Variants in HCN2 observed in about 807,000 individuals in gnomAD.
HCN2 encodes hyperpolarization activated cyclic nucleotide gated potassium and sodium channel 2, also known as potassium/sodium hyperpolarization-activated cyclic nucleotide-gated channel 2.
Under a neutral mutation model 52.3 loss-of-function variants are expected in HCN2, and 20 were observed. The ratio of observed to expected loss-of-function variants is 0.38; its 90% CI spans 0.27 to 0.56. HCN2 has a LOEUF of 0.56. Among genes scored for constraint, HCN2 ranks in the 20% least tolerant of loss-of-function variants. HCN2 has a pLI of 0.71. For synonymous variants in HCN2, 694 were observed against 537.0 expected (o/e 1.29, Z -4.04); for missense variants, 981 against 1,207.7 (o/e 0.81, Z 2.78).
Position 613,782 on chromosome 19 carries a change from C to T in HCN2, c.1826-70C>T, listed in dbSNP as rs567694651. 2.1e-3 allele frequency: 2,901 copies of T among 1,401,356 alleles called. 7 individuals carry two copies. The highest frequency in any genetic ancestry group is 2.4e-3 in the Non-Finnish European group (2,601 of 1,082,264). 86.8% of individuals were successfully genotyped at this position (1,401,356 alleles called of 1,614,324 possible). On this transcript the variant is annotated intron_variant, in intron 6 of 7. Transcript: ENST00000251287. ...GCTGGCCAAGGTGCAGAGGCCGGGCCGTGTGCCTGGGCGGGGAGGGCCGCG... is the reference window on the plus strand; with the variant it reads ...GCTGGCCAAGGTGCAGAGGCCGGGCTGTGTGCCTGGGCGGGGAGGGCCGCG...
chr19:616,780 C>A lies in HCN2; in HGVS notation c.*306C>A. On this transcript the variant is annotated 3_prime_UTR_variant, in exon 8 of 8. Coordinates refer to ENST00000251287, the MANE Select transcript of HCN2 (RefSeq NM_001194.4). The stretch of plus-strand genomic sequence containing the variant: ...AGCTGTAAGACAGGGACGGGGCGGC[C>A]CAGTGGCTGAGAGGAGCCGGCTGTG... 4.5e-6 allele frequency: 1 copy of A among 220,500 alleles called. No individual in the cohort carries two copies. Among genetic ancestry groups the A allele is most frequent in the Non-Finnish European group, 8.9e-6 (1 of 112,330 alleles). The allele number at this position is 220,500 out of a possible 1,614,324, so 13.7% of individuals were successfully genotyped here.
Position 613,698 on chromosome 19 carries a change from T to TCCGGGGCCGGGGCC in HCN2, c.1826-154_1826-153insCCGGGGCCGGGGCC, listed in dbSNP as rs1983765205. Among the ~76,000 whole-genome samples the TCCGGGGCCGGGGCC allele has an allele frequency of 6.8e-4, 11 of 16,266 alleles. 1 individual carries two copies. The highest frequency in any genetic ancestry group is 8.1e-3 in the East Asian group (2 of 248). 10.7% of individuals were successfully genotyped at this position (16,266 alleles called of 152,430 possible). On this transcript the variant is annotated intron_variant, in intron 6 of 7. Transcript: ENST00000251287. ...ATGGGGCCGGGGATGGGGCCGGGGA[T>TCCGGGGCCGGGGCC]GGGGCCGGGGATGGGGCCGGGGCCG...
At chr19:613,756 C>G in intron 6 of HCN2, 96 bp from the exon 7 acceptor site, 1 of 1,278,918 alleles carries the variant, frequency 7.8e-7, no homozygotes, top group Non-Finnish European at 1.0e-6. Flanking sequence ...GAAGCGCCCA[C>G]GCTGGCCAAG....
chr19:604,564 G>A (rs1485982049), intron 2 of HCN2, among the ~76,000 whole-genome samples: 20 of 123,092 alleles, frequency 1.6e-4, no homozygotes, highest in Admixed American at 4.6e-4. Flanking sequence ...CAGGGGCGGG[G>A]CTATGAGGGT....
rs1219055524 is a variant in HCN2 at position 613,352 on chromosome 19, G to A, written c.1689G>A (p.Glu563=). 5 of 1,613,062 alleles carry A rather than the reference G, an allele frequency of 3.1e-6. No individual in the cohort carries two copies. Among genetic ancestry groups the A allele is most frequent in the Non-Finnish European group, 4.2e-6 (5 of 1,179,902 alleles). ...CCATGCTGACCAAGCTCAAGTTCGA[G>A]GTCTTCCAGCCGGGTGACTACATCA... ...VTAMLTKLKF[E]VFQPGDYIIR... is the part of the protein sequence containing the mutation. The change falls in exon 6 of 8, where the codon GAG becomes GAA. Residue 563 remains glutamate (E), a synonymous_variant. Transcript: ENST00000251287.
chr19:607,937 C>T (rs767359298), intron 3 of HCN2, 27 bp from the exon 4 acceptor site: 5 of 1,583,834 alleles, frequency 3.2e-6, no homozygotes, highest in Non-Finnish European at 4.3e-6. Context: ...CACCTGCCCA[C>T]CACCGCCCCT....
At position 616,584 on chromosome 19, in the gene HCN2, A is replaced by C; in HGVS notation, c.*110A>C. 1 of 636,642 alleles carries C rather than the reference A, an allele frequency of 1.6e-6. No individual in the cohort carries two copies. The highest frequency in any genetic ancestry group is 2.1e-6 in the Non-Finnish European group (1 of 479,610). 39.4% of individuals were successfully genotyped at this position (636,642 alleles called of 1,614,324 possible). A position where few individuals can be genotyped will look rare whatever the true frequency, so the allele number is the denominator to read the frequency against. The stretch of plus-strand genomic sequence containing the variant: ...CCGCCAGTCCGCCCAGAAGCCATAG[A>C]CGAGACGTAGGTAGCCGTAGTTGGA... On this transcript the variant is annotated 3_prime_UTR_variant, in exon 8 of 8. Coordinates refer to ENST00000251287, the MANE Select transcript of HCN2 (RefSeq NM_001194.4).
At chr19:609,479 C>A (rs967144692) in intron 4 of HCN2, among the ~76,000 whole-genome samples, 2 of 152,216 alleles carry the variant, frequency 1.3e-5, no homozygotes, top group African/African-American at 4.8e-5. Context: ...AAGTTCAGGG[C>A]ACCCGGCCTG....
In HCN2 at chr19:591,755, A is replaced by G. The variant is rs933794318; in HGVS notation, c.632+1178A>G. 3.9e-5 allele frequency among the ~76,000 whole-genome samples: 6 copies of G among 152,046 alleles called. No homozygotes were observed. The highest frequency in any genetic ancestry group is 7.4e-5 in the Non-Finnish European group (5 of 67,968). On this transcript the variant is annotated intron_variant, in intron 1 of 7. Coordinates refer to ENST00000251287, the MANE Select transcript of HCN2 (RefSeq NM_001194.4). This position sits in a 1 kb window ranked among gnomAD's most constrained non-coding sequence, Gnocchi z 4.1. ...CTCCTCCAGGCCTGGGCGCCCCAGG[A>G]CAGCCCCCACGGACCCTGGACCCCC...
At chr19:612,109 C>A (rs1600535705) in intron 5 of HCN2, among the ~76,000 whole-genome samples, 1 of 151,932 alleles carries the variant, frequency 6.6e-6, no homozygotes, top group East Asian at 1.9e-4. Flanking sequence ...TGTGCCACTG[C>A]ACTCCAGCCT....
chr19:612,393 G>GGTGTGT (rs140326049), intron 5 of HCN2, among the ~76,000 whole-genome samples: 3,430 of 141,820 alleles, frequency 0.024, 80 homozygotes, highest in South Asian at 0.11. Flanking sequence ...GCTTTCCACT[G>GGTGTGT]GTGTGTGTGT....
At position 608,922 on chromosome 19, in the gene HCN2, C is replaced by T. The variant is rs530409456; in HGVS notation, c.1437+740C>T. ...CCTAGGCTTGGCAGTGGAGGGGACA[C>T]GGGGGAGCTGGGAGGGGTGGAGGGA... is the stretch of plus-strand genomic sequence containing the variant. On this transcript the variant is annotated intron_variant, in intron 4 of 7. Coordinates refer to ENST00000251287, the MANE Select transcript of HCN2 (RefSeq NM_001194.4). 6.6e-5 allele frequency among the ~76,000 whole-genome samples: 10 copies of T among 152,152 alleles called. 1 individual carries two copies. The highest frequency in any genetic ancestry group is 1.7e-4 in the African/African-American group (7 of 41,518).
chr19:611,020 C>T (rs1396258298), intron 5 of HCN2, among the ~76,000 whole-genome samples: 1 of 152,178 alleles, frequency 6.6e-6, no homozygotes, highest in East Asian at 1.9e-4. Flanking sequence ...CCTCCATCTG[C>T]TCACAGCCTT....
chr19:596,412 C>T (rs545606058), intron 1 of HCN2, among the ~76,000 whole-genome samples: 5 of 152,244 alleles, frequency 3.3e-5, no homozygotes, highest in East Asian at 3.9e-4. Context: ...GAGCTGAGGC[C>T]GGAAGGTTTC....
At chr19:610,546 ACCCTC>A in intron 5 of HCN2, 141 bp downstream of exon 5, 2 of 685,340 alleles carry the variant, frequency 2.9e-6, no homozygotes, top group Non-Finnish European at 4.9e-6. Context: ...CTGCGTACAC[ACCCTC>A]CCCTCCCCGC....
Position 607,673 on chromosome 19 carries a change from C to T in HCN2, c.1219-291C>T, listed in dbSNP as rs140600040. ...GCCCCCTCTTGACCTCACAGATGCTCTGATCTCAGAGGCTGCAAAAGGCGG... is the reference window on the plus strand; with the variant it reads ...GCCCCCTCTTGACCTCACAGATGCTTTGATCTCAGAGGCTGCAAAAGGCGG... On this transcript the variant is annotated intron_variant, in intron 3 of 7. Coordinates refer to ENST00000251287, the MANE Select transcript of HCN2 (RefSeq NM_001194.4). 2.7e-3 allele frequency among the ~76,000 whole-genome samples: 413 copies of T among 152,340 alleles called. 5 individuals are homozygous for T. Among genetic ancestry groups the T allele is most frequent in the South Asian group, 0.026 (126 of 4,828 alleles).
intron 5 of HCN2, among the ~76,000 whole-genome samples, chr19:611,073 G>A (rs531395432): frequency 8.2e-4 from 125 of 152,278 alleles, no homozygotes; most frequent in African/African-American, 2.5e-3. Context: ...TTCATCCGTC[G>A]TTGGATCAGG....
chr19:596,447 C>G (rs560217004), intron 1 of HCN2, among the ~76,000 whole-genome samples: 24 of 152,228 alleles, frequency 1.6e-4, no homozygotes, highest in Non-Finnish European at 3.5e-4. Context: ...CTCATCCCGG[C>G]CTCCGGAGCT....
intron 1 of HCN2, among the ~76,000 whole-genome samples, chr19:599,160 A>G (rs577031729): frequency 6.6e-6 from 1 of 152,336 alleles, no homozygotes; most frequent in East Asian, 1.9e-4. Flanking sequence ...GCTGCTGTGA[A>G]CATTTTGGTA....
Sources: allele counts gnomAD v4.1 joint callset (sites outside exome capture counted in the v4.1 genomes callset), GRCh38; gene constraint gnomAD v4.1.1; non-coding constraint Gnocchi (gnomAD v3.1); transcripts MANE v1.5; gene names NCBI Gene and HGNC (gene_info 2026-07-23, HGNC 2026-07-21).